RNF150: variants seen among roughly 807,000 people sequenced by gnomAD.
RNF150 encodes the protein ring finger protein 150.
In RNF150, 24 loss-of-function variants were observed where a neutral mutation model predicts 39.3. The ratio of observed to expected loss-of-function variants is 0.61; its 90% CI spans 0.44 to 0.86. The LOEUF (loss-of-function observed/expected upper bound fraction) is 0.86. Ranked by LOEUF, RNF150 falls within the 40% of genes least tolerant of loss-of-function variation. The probability of loss-of-function intolerance (pLI) is 0.00; values close to 1 mark genes in which losing one functional copy is unlikely to be tolerated. For synonymous variants in RNF150, 255 were observed against 227.3 expected, an observed-to-expected ratio of 1.12 and a Z score of -1.10; for missense variants, 502 against 587.8, an observed-to-expected ratio of 0.85 and a Z score of 1.51.
chr4:141,036,291 T>G (rs745795939), intron 1 of RNF150, among the ~76,000 whole-genome samples: 15 of 152,162 alleles, frequency 9.9e-5, no homozygotes, highest in Non-Finnish European at 2.2e-4. Flanking sequence ...GTTGAATGGA[T>G]AGGCAAAAGA....
At chr4:141,120,246 T>C (rs1726566355) in intron 1 of RNF150, among the ~76,000 whole-genome samples, 1 of 152,008 alleles carries the variant, frequency 6.6e-6, no homozygotes, top group Non-Finnish European at 1.5e-5. Flanking sequence ...GAAGAGAGAA[T>C]GAACAGCAGA....
At chr4:141,140,238 A>G (rs1438883049) in intron 1 of RNF150, among the ~76,000 whole-genome samples, 1 of 152,232 alleles carries the variant, frequency 6.6e-6, no homozygotes, top group Admixed American at 6.5e-5. Context: ...CTTAAATTTC[A>G]GAACAATAGG....
At chr4:141,089,658 T>C (rs1358729254) in intron 1 of RNF150, among the ~76,000 whole-genome samples, 1 of 152,214 alleles carries the variant, frequency 6.6e-6, no homozygotes, top group Non-Finnish European at 1.5e-5. Context: ...AAACTCCTTG[T>C]AATCGTGTGA....
At chr4:141,144,457 A>C (rs1727169133) in intron 1 of RNF150, among the ~76,000 whole-genome samples, 2 of 152,162 alleles carry the variant, frequency 1.3e-5, no homozygotes, top group African/African-American at 4.8e-5. Context: ...GGCCTGAGTT[A>C]CTGTTTGCTT....
chr4:141,018,111 C>T (rs1401581518), intron 1 of RNF150, among the ~76,000 whole-genome samples: 1 of 152,122 alleles, frequency 6.6e-6, no homozygotes, highest in Non-Finnish European at 1.5e-5. Flanking sequence ...AGAAAGCAGG[C>T]TCAAAGATAA....
intron 1 of RNF150, among the ~76,000 whole-genome samples, chr4:141,094,211 T>A (rs1224786043): frequency 6.6e-6 from 1 of 152,164 alleles, no homozygotes; most frequent in African/African-American, 2.4e-5. Flanking sequence ...TATCCTCAGG[T>A]AATAACTTAG....
At position 141,050,201 on chromosome 4, in the gene RNF150, A is replaced by T. The variant is rs185167271; in HGVS notation, c.484+82124T>A. On this transcript the variant is annotated intron_variant, in intron 1 of 6. Transcript: ENST00000515673. ...ATCAGTAGGGAGCTTGAAGAAATGA[A>T]ACTGGTTGTGTGTGTGAGATTTTTA... 1.1e-3 allele frequency among the ~76,000 whole-genome samples: 174 copies of T among 152,268 alleles called. 1 individual carries two copies. The highest frequency in any genetic ancestry group is 2.4e-4 in the Non-Finnish European group (16 of 68,008).
intron 5 of RNF150, 58 bp downstream of exon 5, chr4:140,925,919 C>T: frequency 8.1e-7 from 1 of 1,227,208 alleles, no homozygotes; most frequent in Non-Finnish European, 1.2e-6. Flanking sequence ...TTTCTCCCTG[C>T]TTTGAGGGCA....
chr4:141,110,416 TGA>T (rs1169096835), intron 1 of RNF150, among the ~76,000 whole-genome samples: 2 of 151,918 alleles, frequency 1.3e-5, no homozygotes, highest in Non-Finnish European at 1.5e-5. Context: ...GCCACTGCCT[TGA>T]GAGAGTTTTT....
chr4:141,038,887 A>G (rs1200506709), intron 1 of RNF150, among the ~76,000 whole-genome samples: 3 of 152,140 alleles, frequency 2.0e-5, no homozygotes, highest in African/African-American at 7.2e-5. Context: ...AACATGGCCC[A>G]GAGCAGATAG....
chr4:140,999,964 AAGAAGAAGAAGAAAAGAAGAAAAGAAG>A, intron 1 of RNF150, among the ~76,000 whole-genome samples: 1 of 35,394 alleles, frequency 2.8e-5, no homozygotes, highest in Non-Finnish European at 8.5e-5. Context: ...GAAGAAGAAG[AAGAAGAAGAAGAAAAGAAGAAAAGAAG>A]AAAAGAAGAA....
intron 6 of RNF150, among the ~76,000 whole-genome samples, chr4:140,873,529 T>C (rs906875632): frequency 6.6e-6 from 1 of 152,092 alleles, no homozygotes; most frequent in Admixed American, 6.6e-5. Context: ...ATAAATAAAA[T>C]CCATACCCAA....
intron 4 of RNF150, among the ~76,000 whole-genome samples, chr4:140,945,456 C>T (rs922737842): frequency 1.3e-5 from 2 of 151,294 alleles, no homozygotes; most frequent in African/African-American, 2.4e-5. Flanking sequence ...AACTGTGGTA[C>T]ATCTATGACT....
At chr4:140,998,474 C>T (rs73858690) in intron 1 of RNF150, among the ~76,000 whole-genome samples, 11,549 of 152,210 alleles carry the variant, frequency 0.076, 497 homozygotes, top group Middle Eastern at 0.16. Flanking sequence ...CTTGGATCTC[C>T]AGCCTCTAAA....
chr4:140,983,024 T>C (rs969557326), intron 1 of RNF150, among the ~76,000 whole-genome samples: 1 of 152,184 alleles, frequency 6.6e-6, no homozygotes, highest in East Asian at 1.9e-4. Flanking sequence ...AGAAACTTTA[T>C]GACCACAAAT....
chr4:141,074,799 C>T (rs139627141), intron 1 of RNF150, among the ~76,000 whole-genome samples: 1,641 of 152,294 alleles, frequency 0.011, 23 homozygotes, highest in African/African-American at 0.027. Context: ...GGGCAAGCGA[C>T]GGATCTGAGA....
chr4:141,117,150 A>G (rs1310220348), intron 1 of RNF150, among the ~76,000 whole-genome samples: 1 of 152,206 alleles, frequency 6.6e-6, no homozygotes, highest in East Asian at 1.9e-4. Flanking sequence ...TATAATAAAA[A>G]AATATATACG....
At chr4:141,083,036 A>G (rs748672398) in intron 1 of RNF150, among the ~76,000 whole-genome samples, 1 of 152,056 alleles carries the variant, frequency 6.6e-6, no homozygotes, top group Non-Finnish European at 1.5e-5. Flanking sequence ...ACCTTTTTAG[A>G]CCCCCTGAAG....
intron 2 of RNF150, 117 bp downstream of exon 2, chr4:140,967,506 T>G (rs908749490): frequency 9.9e-6 from 7 of 707,386 alleles, no homozygotes; most frequent in African/African-American, 1.8e-5. Flanking sequence ...ATGTTAACAG[T>G]GTTTATCTTG....
Sources: gnomAD v4.1 joint callset for allele counts (sites outside exome capture counted in the v4.1 genomes callset) on GRCh38, gnomAD v4.1.1 for gene constraint, MANE v1.5 for transcripts, NCBI Gene and HGNC (gene_info 2026-07-23, HGNC 2026-07-21) for gene names.